Variants in MAGI1 observed in about 807,000 individuals in gnomAD.
The protein encoded by MAGI1 is membrane associated guanylate kinase, WW and PDZ domain containing 1.
In MAGI1, 58 loss-of-function variants were observed where a neutral mutation model predicts 139.9. The observed-to-expected ratio is 0.41, with a 90% CI of 0.34 to 0.52. The LOEUF (loss-of-function observed/expected upper bound fraction) is 0.52. Ranked by LOEUF, MAGI1 falls within the 20% of genes least tolerant of loss-of-function variation. The pLI, the probability that MAGI1 is intolerant of heterozygous loss-of-function variation, is 0.12. For synonymous variants in MAGI1, 812 were observed against 737.9 expected, an observed-to-expected ratio of 1.10 and a Z score of -1.63; for missense variants, 1,874 against 1,901.6, an observed-to-expected ratio of 0.99 and a Z score of 0.27.
intron 1 of MAGI1, among the ~76,000 whole-genome samples, chr3:65,623,278 A>C (rs1337827584): frequency 6.8e-6 from 1 of 146,082 alleles, no homozygotes; most frequent in South Asian, 2.2e-4. Context: ...GTTATTGTTA[A>C]GCATAGTTAT....
intron 1 of MAGI1, among the ~76,000 whole-genome samples, chr3:65,849,001 C>CTTTTTTTTTTTTTT (rs558270441): frequency 2.3e-4 from 9 of 39,644 alleles, no homozygotes; most frequent in Non-Finnish European, 4.2e-4. Context: ...TCAGAGCATT[C>CTTTTTTTTTTTTTT]TTTTTTTTTT....
chr3:65,602,245 T>C (rs1576446577), intron 2 of MAGI1, among the ~76,000 whole-genome samples: 1 of 152,108 alleles, frequency 6.6e-6, no homozygotes, highest in East Asian at 1.9e-4. Context: ...CATAAAAACA[T>C]ATACATGAAT....
chr3:65,384,611 G>A (rs1269722807), intron 14 of MAGI1, among the ~76,000 whole-genome samples: 2 of 152,074 alleles, frequency 1.3e-5, no homozygotes, highest in African/African-American at 2.4e-5. Context: ...GTGTGTGCCT[G>A]TACTCCTAGC....
At chr3:65,930,643 C>T (rs140420089) in intron 1 of MAGI1, among the ~76,000 whole-genome samples, 30 of 152,234 alleles carry the variant, frequency 2.0e-4, no homozygotes, top group African/African-American at 7.2e-4. Context: ...TTGGTCGGCA[C>T]AAGAAACAGG....
intron 1 of MAGI1, among the ~76,000 whole-genome samples, chr3:65,722,207 T>G (rs1453652779): frequency 6.6e-6 from 1 of 152,216 alleles, no homozygotes; most frequent in African/African-American, 2.4e-5. Flanking sequence ...AAACTTAGTA[T>G]GTCGTGATAC....
intron 2 of MAGI1, among the ~76,000 whole-genome samples, chr3:65,493,928 G>T (rs941813689): frequency 1.3e-5 from 2 of 152,146 alleles, no homozygotes; most frequent in South Asian, 2.1e-4. Context: ...AATAAAAAAG[G>T]TGAACTGGAT....
chr3:65,538,673 G>C (rs1160202683), intron 2 of MAGI1, among the ~76,000 whole-genome samples: 1 of 152,092 alleles, frequency 6.6e-6, no homozygotes, highest in Non-Finnish European at 1.5e-5. Flanking sequence ...AGGTCCACTA[G>C]ATGCCATGCT....
intron 1 of MAGI1, among the ~76,000 whole-genome samples, chr3:65,963,301 G>C (rs1966600): frequency 0.5 from 66,789 of 134,062 alleles, 16,846 homozygotes; most frequent in South Asian, 0.66. Context: ...AACAGAGCGA[G>C]ACTCTGTCTC....
chr3:65,425,499 A>G (rs558270438), intron 12 of MAGI1, among the ~76,000 whole-genome samples: 142 of 152,280 alleles, frequency 9.3e-4, no homozygotes, highest in African/African-American at 2.9e-3. Context: ...TGCCTGAAAG[A>G]TTCTCTAGCT....
intron 1 of MAGI1, among the ~76,000 whole-genome samples, chr3:65,731,059 C>T (rs551463872): frequency 6.6e-6 from 1 of 152,200 alleles, no homozygotes; most frequent in African/African-American, 2.4e-5. Flanking sequence ...AGGTAACCAC[C>T]GTGCAACAGG....
chr3:65,740,761 G>GA (rs1296062783), intron 1 of MAGI1, among the ~76,000 whole-genome samples: 5 of 152,100 alleles, frequency 3.3e-5, no homozygotes, highest in Non-Finnish European at 5.9e-5. Flanking sequence ...GTCAGGTCGT[G>GA]AAAAAATACA....
chr3:65,507,187 G>C (rs1018402004), intron 2 of MAGI1, among the ~76,000 whole-genome samples: 5 of 152,150 alleles, frequency 3.3e-5, no homozygotes, highest in African/African-American at 4.8e-5. Context: ...AACTTACTGG[G>C]GCAGTAAAAT....
At chr3:65,800,689 A>C (rs1328095007) in intron 1 of MAGI1, among the ~76,000 whole-genome samples, 1 of 152,196 alleles carries the variant, frequency 6.6e-6, no homozygotes, top group East Asian at 1.9e-4. Flanking sequence ...TCTGAAAAGG[A>C]GTGATAGCAA....
At position 65,766,630 on chromosome 3, in the gene MAGI1, C is replaced by T. The variant is rs148067555; in HGVS notation, c.314-144542G>A. Among the ~76,000 whole-genome samples the T allele has an allele frequency of 1.3e-3, 204 of 152,132 alleles. 4 individuals carry two copies. The East Asian group carries it at 0.034, about 25-fold the overall frequency. On this transcript the variant is annotated intron_variant, in intron 1 of 22. Transcript: ENST00000402939. ...AGAGGCTGGGTGCGGTGGCTCACGC[C>T]TGTAATCCCAACACTTTGGGAGGTC...
At chr3:65,364,983 C>A in intron 18 of MAGI1, 37 bp from the exon 19 acceptor site, 1 of 1,546,170 alleles carries the variant, frequency 6.5e-7, no homozygotes, top group Non-Finnish European at 8.9e-7. Flanking sequence ...AATGAAGACC[C>A]CAGAGAAGAC....
At chr3:65,588,320 A>G (rs2106714454) in intron 2 of MAGI1, among the ~76,000 whole-genome samples, 1 of 152,300 alleles carries the variant, frequency 6.6e-6, no homozygotes, top group South Asian at 2.1e-4. Context: ...TCCTCCCTAA[A>G]TTTGACCCCA....
intron 2 of MAGI1, among the ~76,000 whole-genome samples, chr3:65,562,947 C>T (rs925895952): frequency 6.6e-6 from 1 of 152,266 alleles, no homozygotes; most frequent in Middle Eastern, 3.4e-3. Context: ...TAGTATCTTT[C>T]ATGATATAAA....
chr3:65,599,421 G>C (rs1410632164), intron 2 of MAGI1, among the ~76,000 whole-genome samples: 1 of 152,166 alleles, frequency 6.6e-6, no homozygotes, highest in Non-Finnish European at 1.5e-5. Context: ...CCAGGGTGTG[G>C]AAGGACAGCA....
At chr3:65,859,760 T>C (rs1347162522) in intron 1 of MAGI1, among the ~76,000 whole-genome samples, 1 of 151,002 alleles carries the variant, frequency 6.6e-6, no homozygotes, top group Admixed American at 6.6e-5. Flanking sequence ...AGCAGATAGA[T>C]CCCCCAAACA....
Sources: allele counts gnomAD v4.1 joint callset (sites outside exome capture counted in the v4.1 genomes callset), GRCh38; gene constraint gnomAD v4.1.1; transcripts MANE v1.5; gene names NCBI Gene and HGNC (gene_info 2026-07-23, HGNC 2026-07-21).